Variants in STPG2 observed in about 807,000 individuals in gnomAD.
The protein encoded by STPG2 is sperm tail PG-rich repeat containing 2.
A neutral mutation model predicts 54.2 loss-of-function variants in STPG2; 56 were observed. The ratio of observed to expected loss-of-function variants is 1.03; its 90% CI spans 0.83 to 1.29. The LOEUF is 1.29. STPG2 is among the 50% of genes most tolerant of loss of function. The pLI is 0.00. For missense variants in STPG2, 596 were observed against 544.9 expected (o/e 1.09, Z -0.93); for synonymous variants, 200 against 181.8 (o/e 1.10, Z -0.81).
In STPG2 at chr4:97,635,647, T is replaced by G. The variant is rs534571551; in HGVS notation, c.1321-76530A>C. On this transcript the variant is annotated intron_variant, in intron 10 of 10. Coordinates refer to ENST00000295268, the MANE Select transcript of STPG2 (RefSeq NM_174952.3). ...CTCAAAATAAAGGGATGGAGGAAGA[T>G]CTACGAAGCAAATGGAAAACAAAAA... is the stretch of plus-strand genomic sequence containing the variant. 4.1e-4 allele frequency among the ~76,000 whole-genome samples: 63 copies of G among 152,186 alleles called. 1 individual carries two copies. The highest frequency in any genetic ancestry group is 2.0e-3 in the Admixed American group (30 of 15,278).
chr4:97,640,042 T>TA (rs1198444496), intron 10 of STPG2, among the ~76,000 whole-genome samples: 2 of 151,962 alleles, frequency 1.3e-5, no homozygotes, highest in Admixed American at 6.6e-5. Context: ...AATGTAAAAA[T>TA]AAAAAATGGT....
intron 5 of STPG2, among the ~76,000 whole-genome samples, chr4:98,059,041 T>G (rs1356555760): frequency 6.7e-6 from 1 of 149,880 alleles, no homozygotes; most frequent in Non-Finnish European, 1.5e-5. Context: ...ATTCAAAAGA[T>G]TAATAAAACC....
At chr4:97,460,130 A>G (rs1729625330) in intron 4 of STPG2, among the ~76,000 whole-genome samples, 2 of 152,128 alleles carry the variant, frequency 1.3e-5, no homozygotes, top group Admixed American at 6.5e-5. Flanking sequence ...CTCCTCTTCC[A>G]TCAACCCCCC....
intron 9 of STPG2, among the ~76,000 whole-genome samples, chr4:97,767,106 C>T (rs1726079242): frequency 6.6e-6 from 1 of 151,904 alleles, no homozygotes; most frequent in Non-Finnish European, 1.5e-5. Flanking sequence ...ATTTAGAAGT[C>T]ACAGTTATTT....
At chr4:97,809,834 T>C (rs978397350) in intron 9 of STPG2, among the ~76,000 whole-genome samples, 2 of 152,124 alleles carry the variant, frequency 1.3e-5, no homozygotes, top group Non-Finnish European at 2.9e-5. Flanking sequence ...CTCTGATCTA[T>C]AGAACTGTGA....
chr4:98,087,711 C>A (rs574458354), intron 5 of STPG2, among the ~76,000 whole-genome samples: 2 of 152,066 alleles, frequency 1.3e-5, no homozygotes, highest in Non-Finnish European at 2.9e-5. Context: ...CAGGTGCCCG[C>A]CGCTATGCCC....
In STPG2 at chr4:97,645,163, G is replaced by A. The variant is rs185152908; in HGVS notation, c.1320+67536C>T. Among the ~76,000 whole-genome samples the A allele has an allele frequency of 1.7e-3, 252 of 151,826 alleles. 1 individual carries two copies. Among genetic ancestry groups the A allele is most frequent in the African/African-American group, 5.2e-3 (215 of 41,426 alleles). On this transcript the variant is annotated intron_variant, in intron 10 of 10. Coordinates refer to ENST00000295268, the MANE Select transcript of STPG2 (RefSeq NM_174952.3). Reference sequence around the variant, plus strand: ...TGTTGCCTTTTTATGTAATCCAGAGGGACATAAAAGACAGATGGAGAACTG... The same window carrying A: ...TGTTGCCTTTTTATGTAATCCAGAGAGACATAAAAGACAGATGGAGAACTG...
chr4:97,980,856 T>C (rs1395942829), intron 6 of STPG2, among the ~76,000 whole-genome samples: 2 of 152,110 alleles, frequency 1.3e-5, no homozygotes, highest in Admixed American at 1.3e-4. Context: ...GGTGACCACA[T>C]AGTTGATATA....
intron 3 of STPG2, among the ~76,000 whole-genome samples, chr4:98,116,017 AAAT>A (rs1419474091): frequency 6.6e-6 from 1 of 151,982 alleles, no homozygotes; most frequent in Non-Finnish European, 1.5e-5. Context: ...TCCAATAAAT[AAAT>A]AATAAGTTGT....
downstream of STPG2, among the ~76,000 whole-genome samples, chr4:97,556,061 C>T (rs570347416): frequency 3.9e-5 from 6 of 152,052 alleles, no homozygotes; most frequent in African/African-American, 1.2e-4. Context: ...TTTTTAAAAC[C>T]CCTGAAATGA....
intron 10 of STPG2, among the ~76,000 whole-genome samples, chr4:97,575,662 T>C (rs1732704906): frequency 6.6e-6 from 1 of 152,026 alleles, no homozygotes; most frequent in South Asian, 2.1e-4. Flanking sequence ...AACAACATAG[T>C]AAACATGCAA....
At chr4:97,864,651 A>G (rs901830904) in intron 8 of STPG2, among the ~76,000 whole-genome samples, 1 of 152,168 alleles carries the variant, frequency 6.6e-6, no homozygotes, top group Non-Finnish European at 1.5e-5. Flanking sequence ...CTAAGCCAAA[A>G]GAACAAAGCT....
At chr4:97,573,128 G>T (rs1732641073) in intron 10 of STPG2, among the ~76,000 whole-genome samples, 1 of 151,782 alleles carries the variant, frequency 6.6e-6, no homozygotes, top group Admixed American at 6.6e-5. Context: ...TTCTATATGG[G>T]TAATTTTTAA....
At chr4:98,124,669 C>T (rs193285988) in intron 3 of STPG2, among the ~76,000 whole-genome samples, 103 of 151,986 alleles carry the variant, frequency 6.8e-4, no homozygotes, top group African/African-American at 2.4e-3. Context: ...GGGTTTATCT[C>T]ATGTAGTATC....
intron 9 of STPG2, among the ~76,000 whole-genome samples, chr4:97,780,523 G>C (rs200934903): frequency 0.1 from 8,339 of 81,356 alleles, 677 homozygotes; most frequent in East Asian, 0.33. Flanking sequence ...ACAGATCAAC[G>C]AGACAGAAAG....
intron 8 of STPG2, among the ~76,000 whole-genome samples, chr4:97,908,617 A>C (rs1731546386): frequency 6.6e-6 from 1 of 151,956 alleles, no homozygotes; most frequent in South Asian, 2.1e-4. Context: ...AACCAACCCA[A>C]ATGTCCAACA....
intron 5 of STPG2, chr4:98,048,669 A>T (rs1348271461): frequency 6.4e-6 from 1 of 155,116 alleles, no homozygotes; most frequent in East Asian, 1.8e-4. Context: ...CGCAGACTCA[A>T]CTCAGGGATC....
At chr4:98,074,237 G>A (rs949092156) in intron 5 of STPG2, among the ~76,000 whole-genome samples, 10 of 152,034 alleles carry the variant, frequency 6.6e-5, no homozygotes, top group African/African-American at 1.4e-4. Context: ...TGGTTTCATC[G>A]CTTTAATAAT....
chr4:97,919,143 T>C (rs187033942), intron 8 of STPG2, among the ~76,000 whole-genome samples: 70 of 152,200 alleles, frequency 4.6e-4, no homozygotes, highest in African/African-American at 1.6e-3. Flanking sequence ...AAAAACATCT[T>C]ACACTAAGTG....
Sources: gnomAD v4.1 joint callset for allele counts (sites outside exome capture counted in the v4.1 genomes callset) on GRCh38, gnomAD v4.1.1 for gene constraint, MANE v1.5 for transcripts, NCBI Gene and HGNC (gene_info 2026-07-23, HGNC 2026-07-21) for gene names.